The following STYXL1 variants were observed in gnomAD, a reference collection of about 807,000 sequenced individuals.
STYXL1 encodes serine/threonine/tyrosine interacting like 1.
STYXL1 carries 32 observed loss-of-function variants against 36.4 expected under a neutral mutation model. The observed-to-expected ratio is 0.88, with a 90% CI of 0.66 to 1.18. STYXL1 has a LOEUF of 1.18. Among genes scored for constraint, STYXL1 ranks in the 50% most tolerant of loss-of-function variants. The pLI, the probability that STYXL1 is intolerant of heterozygous loss-of-function variation, is 0.00. For missense variants in STYXL1, 354 were observed against 394.1 expected (o/e 0.90, Z 0.86); for synonymous variants, 133 against 144.1 (o/e 0.92, Z 0.55).
chr7:76,034,269 A>T (rs1482753476), intron 1 of STYXL1, among the ~76,000 whole-genome samples: 1 of 151,416 alleles, frequency 6.6e-6, no homozygotes. Flanking sequence ...TGGCCGGCTA[A>T]TTTTTTTTTA....
intron 3 of STYXL1, among the ~76,000 whole-genome samples, chr7:76,023,137 C>T (rs1554576681): frequency 6.6e-6 from 1 of 152,058 alleles, no homozygotes; most frequent in African/African-American, 2.4e-5. Context: ...GCCCAGACTT[C>T]CTTCGGGCTC....
intron 7 of STYXL1, among the ~76,000 whole-genome samples, chr7:76,002,385 G>A (rs1192197197): frequency 1.3e-5 from 2 of 152,216 alleles, no homozygotes; most frequent in African/African-American, 2.4e-5. Flanking sequence ...CCTACCAAGT[G>A]CAAAATCACA....
At chr7:76,008,398 A>G (rs1049281803) in intron 5 of STYXL1, among the ~76,000 whole-genome samples, 1 of 152,092 alleles carries the variant, frequency 6.6e-6, no homozygotes, top group Non-Finnish European at 1.5e-5. Context: ...AGTCTGACTC[A>G]GAAATAACAT....
chr7:76,038,854 G>A (rs10262501), intron 1 of STYXL1, among the ~76,000 whole-genome samples: 84,394 of 148,342 alleles, frequency 0.57, 26,989 homozygotes, highest in Middle Eastern at 0.71. Context: ...TGGCGCGATC[G>A]TCACTCACTG....
At chr7:76,042,234 A>G (rs1180219871) in intron 1 of STYXL1, among the ~76,000 whole-genome samples, 1 of 151,832 alleles carries the variant, frequency 6.6e-6, no homozygotes, top group Non-Finnish European at 1.5e-5. Flanking sequence ...GTTTTTCCAC[A>G]TTTGACCAGC....
rs1433579197 is a variant in STYXL1 at position 76,035,048 on chromosome 7, C to T, written c.-4-4521G>A. On this transcript the variant is annotated intron_variant, in intron 1 of 8. Coordinates refer to ENST00000359697, the MANE Select transcript of STYXL1 (RefSeq NM_001317785.2). The stretch of plus-strand genomic sequence containing the variant: ...CAGTACCTGCTCCTCATTTAGCCTT[C>T]TCAGTCTCAATCAACAGCACCATGA... Among the ~76,000 whole-genome samples, 4 of 131,378 alleles carry T rather than the reference C, an allele frequency of 3.0e-5. 1 individual carries two copies. The highest frequency in any genetic ancestry group is 5.3e-5 in the African/African-American group (2 of 37,960). 86.2% of individuals were successfully genotyped at this position (131,378 alleles called of 152,430 possible).
At chr7:76,016,326 A>G (rs922561882) in intron 4 of STYXL1, among the ~76,000 whole-genome samples, 1 of 151,690 alleles carries the variant, frequency 6.6e-6, no homozygotes, top group Non-Finnish European at 1.5e-5. Context: ...ATATCTATAC[A>G]TATGTGTGTA....
chr7:76,019,927 CAAAAAA>C (rs58018497), intron 4 of STYXL1, among the ~76,000 whole-genome samples: 2 of 82,344 alleles, frequency 2.4e-5, no homozygotes, highest in African/African-American at 7.1e-5. Context: ...GACCCTGACT[CAAAAAA>C]AAAAAAAAAA....
At position 76,005,575 on chromosome 7, in the gene STYXL1, T is replaced by C. The variant is rs1585192517; in HGVS notation, c.454-171A>G. Among the ~76,000 whole-genome samples the C allele has an allele frequency of 2.0e-5, 3 of 151,928 alleles. No homozygotes were observed. In the South Asian group the frequency reaches 6.2e-4, roughly 32 times the overall value. On this transcript the variant is annotated intron_variant, in intron 5 of 8. Coordinates refer to ENST00000359697, the MANE Select transcript of STYXL1 (RefSeq NM_001317785.2). ...TTGGCACACGGTAACTTGCATGGGG[T>C]GGCACAGGGCGAGTCATGACGAAAG...
intron 3 of STYXL1, among the ~76,000 whole-genome samples, chr7:76,027,913 G>A (rs1476303015): frequency 1.3e-5 from 2 of 152,090 alleles, no homozygotes; most frequent in African/African-American, 4.8e-5. Flanking sequence ...AGAGCAGCCT[G>A]GGCAACACAG....
At chr7:76,016,072 C>T (rs566679109) in intron 4 of STYXL1, among the ~76,000 whole-genome samples, 7 of 152,004 alleles carry the variant, frequency 4.6e-5, no homozygotes, top group African/African-American at 1.2e-4. Flanking sequence ...TAACAAACTC[C>T]CATATATATA....
intron 1 of STYXL1, among the ~76,000 whole-genome samples, chr7:76,039,051 G>A (rs1205604130): frequency 6.8e-6 from 1 of 147,248 alleles, no homozygotes; most frequent in African/African-American, 2.7e-5. Flanking sequence ...AGGTTCAAGC[G>A]ATTCTCCTAC....
At chr7:75,996,818 G>A (rs930321298) in intron 8 of STYXL1, among the ~76,000 whole-genome samples, 1 of 152,214 alleles carries the variant, frequency 6.6e-6, no homozygotes, top group African/African-American at 2.4e-5. Flanking sequence ...TCTAAATCTG[G>A]TGACAGAAAT....
At chr7:76,022,033 G>A (rs782165498) in intron 3 of STYXL1, 41 bp from the exon 4 acceptor site, 8 of 1,587,588 alleles carry the variant, frequency 5.0e-6, no homozygotes, top group South Asian at 4.5e-5. Context: ...AGGCCTGTTG[G>A]TGGGCAGGTT....
intron 3 of STYXL1, among the ~76,000 whole-genome samples, chr7:76,025,914 C>T (rs782118252): frequency 6.6e-5 from 10 of 151,954 alleles, no homozygotes; most frequent in African/African-American, 1.7e-4. Flanking sequence ...GCACAGAGGC[C>T]GGGCGCGGTG....
intron 3 of STYXL1, among the ~76,000 whole-genome samples, chr7:76,027,751 C>T (rs1585291820): frequency 6.6e-6 from 1 of 152,212 alleles, no homozygotes; most frequent in South Asian, 2.1e-4. Context: ...TGAACTCAGG[C>T]TGTTGTATTC....
chr7:76,016,429 A>G (rs1793374121), intron 4 of STYXL1, among the ~76,000 whole-genome samples: 2 of 147,722 alleles, frequency 1.4e-5, no homozygotes, highest in Admixed American at 1.3e-4. Context: ...ATACACATAT[A>G]TACATATATA....
rs782477069 is a variant in STYXL1, at chr7:76,005,267, T to C, written c.591A>G (p.Thr197=). The change falls in exon 6 of 9, where the codon ACA becomes ACG. Residue 197 remains threonine, a synonymous_variant. Transcript: ENST00000359697. ...IKAHVNVSMD[T]GPFFAGDADK... is the part of the protein sequence containing the mutation. ...AGTTTCTCTTTACTTACAAGGGCCCTGTATCCATGGAGACATTGACATGGG... is the reference window on the plus strand; with the variant it reads ...AGTTTCTCTTTACTTACAAGGGCCCCGTATCCATGGAGACATTGACATGGG... 1.3e-6 allele frequency: 2 copies of C among 1,572,796 alleles called. No individual in the cohort carries two copies. Among genetic ancestry groups the C allele is most frequent in the African/African-American group, 2.7e-5 (2 of 74,568 alleles).
intron 8 of STYXL1, chr7:75,998,865 C>A (rs569587793): frequency 6.6e-6 from 1 of 152,328 alleles, no homozygotes; most frequent in East Asian, 1.9e-4. Flanking sequence ...ATCCCACAGA[C>A]ATTAAAAGGA....
Sources: allele counts gnomAD v4.1 joint callset (sites outside exome capture counted in the v4.1 genomes callset), GRCh38; gene constraint gnomAD v4.1.1; transcripts MANE v1.5; gene names NCBI Gene and HGNC (gene_info 2026-07-23, HGNC 2026-07-21).